Variants in SUGCT observed in about 807,000 individuals in gnomAD.
SUGCT encodes the protein succinyl-CoA:glutarate-CoA transferase.
Under a neutral mutation model 55.0 loss-of-function variants are expected in SUGCT, and 41 were observed. That is an observed-to-expected ratio of 0.74 (90% CI 0.58 to 0.97). The LOEUF is 0.97. Among genes scored for constraint, SUGCT ranks in the 50% least tolerant of loss-of-function variants. The pLI, the probability that SUGCT is intolerant of heterozygous loss-of-function variation, is 0.00. For missense variants in SUGCT, 568 were observed against 547.8 expected (o/e 1.04, Z -0.37); for synonymous variants, 187 against 200.4 (o/e 0.93, Z 0.56).
rs149599509 is a variant in SUGCT at position 40,156,016 on chromosome 7, C to T, written c.100+20896C>T. Among the ~76,000 whole-genome samples the T allele has an allele frequency of 3.5e-3, 525 of 152,172 alleles. 1 individual carries two copies. Among genetic ancestry groups the T allele is most frequent in the African/African-American group, 0.012 (485 of 41,544 alleles). The stretch of plus-strand genomic sequence containing the variant: ...GGATCACAGGTGTACGCCACCATGC[C>T]CGGCTAATTTTTGTGTTTTTAGTAG... On this transcript the variant is annotated intron_variant, in intron 1 of 13. Coordinates refer to ENST00000335693, the MANE Select transcript of SUGCT (RefSeq NM_001193313.2).
intron 10 of SUGCT, among the ~76,000 whole-genome samples, chr7:40,457,852 G>T (rs1012942024): frequency 1.3e-5 from 2 of 152,172 alleles, no homozygotes; most frequent in Non-Finnish European, 2.9e-5. Context: ...AAGACGCTTG[G>T]TTTTTTCTTG....
At chr7:40,761,311 G>A (rs866444325) in intron 13 of SUGCT, among the ~76,000 whole-genome samples, 2 of 152,162 alleles carry the variant, frequency 1.3e-5, no homozygotes, top group South Asian at 2.1e-4. Context: ...TGGAGACCAC[G>A]CAGTGTGAAA....
At chr7:40,275,444 A>G (rs1022927883) in intron 8 of SUGCT, among the ~76,000 whole-genome samples, 1 of 152,216 alleles carries the variant, frequency 6.6e-6, no homozygotes, top group Admixed American at 6.5e-5. Context: ...TTAAAAATAT[A>G]TAATTTTTAC....
At chr7:40,614,849 C>G (rs1250714619) in intron 12 of SUGCT, among the ~76,000 whole-genome samples, 1 of 152,010 alleles carries the variant, frequency 6.6e-6, no homozygotes, top group African/African-American at 2.4e-5. Context: ...CACCTGAGTT[C>G]AGGAGTTTGA....
At chr7:40,457,464 G>A (rs954495418) in intron 10 of SUGCT, among the ~76,000 whole-genome samples, 1 of 151,888 alleles carries the variant, frequency 6.6e-6, no homozygotes, top group Non-Finnish European at 1.5e-5. Flanking sequence ...ATCTTTTGGG[G>A]GAAACAGTAC....
At chr7:40,634,422 C>A (rs1799931539) in intron 12 of SUGCT, among the ~76,000 whole-genome samples, 1 of 152,172 alleles carries the variant, frequency 6.6e-6, no homozygotes, top group African/African-American at 2.4e-5. Context: ...CTGCTCATTC[C>A]AGTGGATTTT....
chr7:40,272,992 C>T (rs183512235), intron 7 of SUGCT, among the ~76,000 whole-genome samples: 4 of 152,170 alleles, frequency 2.6e-5, no homozygotes, highest in East Asian at 1.9e-4. Flanking sequence ...AAAAATTCCA[C>T]GTATAAGTGG....
chr7:40,672,960 G>A (rs1454353889), intron 12 of SUGCT, among the ~76,000 whole-genome samples: 1 of 152,076 alleles, frequency 6.6e-6, no homozygotes, highest in Non-Finnish European at 1.5e-5. Context: ...ATGCCCTTTT[G>A]TAGGCGATCT....
intron 6 of SUGCT, among the ~76,000 whole-genome samples, chr7:40,211,567 C>T: frequency 6.6e-6 from 1 of 152,234 alleles, no homozygotes; most frequent in East Asian, 1.9e-4. Flanking sequence ...TGAATATAAG[C>T]TTTTTGATCC....
At chr7:40,476,701 T>C (rs1790703142) in intron 11 of SUGCT, among the ~76,000 whole-genome samples, 1 of 152,130 alleles carries the variant, frequency 6.6e-6, no homozygotes, top group African/African-American at 2.4e-5. Flanking sequence ...AAATTTTTAT[T>C]GTTATTAGAA....
intron 12 of SUGCT, among the ~76,000 whole-genome samples, chr7:40,703,868 G>A (rs978843321): frequency 1.3e-5 from 2 of 152,174 alleles, no homozygotes; most frequent in Non-Finnish European, 2.9e-5. Context: ...TGTTCTATGA[G>A]CCTCCAGTCC....
intron 12 of SUGCT, among the ~76,000 whole-genome samples, chr7:40,730,015 G>A (rs1188481753): frequency 6.6e-6 from 1 of 152,230 alleles, no homozygotes; most frequent in Admixed American, 6.5e-5. Context: ...TGGGCTGCTT[G>A]GCTCGGTCCT....
At chr7:40,796,731 A>G (rs780279338) in intron 13 of SUGCT, among the ~76,000 whole-genome samples, 2 of 152,200 alleles carry the variant, frequency 1.3e-5, no homozygotes, top group African/African-American at 2.4e-5. Context: ...ATTGCCTTCT[A>G]TATCAGGTGT....
intron 3 of SUGCT, among the ~76,000 whole-genome samples, chr7:40,186,455 C>G (rs1363802887): frequency 6.6e-6 from 1 of 151,884 alleles, no homozygotes; most frequent in Non-Finnish European, 1.5e-5. Flanking sequence ...GACAGGGTTT[C>G]ACCATGTTGC....
At chr7:40,354,434 C>CT (rs1259437464) in intron 9 of SUGCT, among the ~76,000 whole-genome samples, 2 of 152,166 alleles carry the variant, frequency 1.3e-5, no homozygotes, top group Non-Finnish European at 2.9e-5. Flanking sequence ...GAGAGGCCAC[C>CT]TGGTTAAAGC....
At chr7:41,034,014 A>G in the SUGCT span, among the ~76,000 whole-genome samples, 3 of 152,210 alleles carry the variant, frequency 2.0e-5, no homozygotes, top group South Asian at 2.1e-4. Flanking sequence ...CCACAGAGGT[A>G]TGAACCTATC....
intron 1 of SUGCT, among the ~76,000 whole-genome samples, chr7:40,170,172 A>T (rs940900508): frequency 6.6e-6 from 1 of 152,068 alleles, no homozygotes; most frequent in African/African-American, 2.4e-5. Flanking sequence ...GCCTGTGGGG[A>T]ATAATTCTCT....
the SUGCT span, among the ~76,000 whole-genome samples, chr7:40,908,754 G>A: frequency 6.6e-6 from 1 of 152,240 alleles, no homozygotes; most frequent in East Asian, 1.9e-4. Context: ...AACTTTGGAA[G>A]ATTCTTACAA....
chr7:40,201,061 A>G (rs926905708), intron 6 of SUGCT, among the ~76,000 whole-genome samples: 3 of 152,170 alleles, frequency 2.0e-5, no homozygotes, highest in Non-Finnish European at 4.4e-5. Flanking sequence ...CCACATAACT[A>G]TAGCTTTAAA....
Sources: gnomAD v4.1 joint callset for allele counts (sites outside exome capture counted in the v4.1 genomes callset) on GRCh38, gnomAD v4.1.1 for gene constraint, MANE v1.5 for transcripts, NCBI Gene and HGNC (gene_info 2026-07-23, HGNC 2026-07-21) for gene names.